The following AGMO variants were observed in gnomAD, a reference collection of about 807,000 sequenced individuals.
AGMO encodes glyceryl-ether monooxygenase.
In AGMO, 75 loss-of-function variants were observed where a neutral mutation model predicts 60.2. The observed-to-expected ratio is 1.25, with a 90% confidence interval of 1.03 to 1.51. The LOEUF (loss-of-function observed/expected upper bound fraction) is 1.51. Ranked by LOEUF, AGMO falls within the 40% of genes most tolerant of loss-of-function variation. The pLI, the probability that AGMO is intolerant of heterozygous loss-of-function variation, is 0.00. For missense variants in AGMO, 763 were observed against 525.5 expected (o/e 1.45, Z -4.42); for synonymous variants, 261 against 177.1 (o/e 1.47, Z -3.76).
chr7:15,561,821 C>T lies in AGMO; in HGVS notation c.25G>A (p.Asp9Asn). ...CGAAATCCCTGGGAAACTGAAACAT[C>T]CTGCTGGGCTTCTGGGTTCTTCATT... is the stretch of plus-strand genomic sequence containing the variant. The part of the protein sequence containing the change: MKNPEAQQ[D>N]VSVSQGFRML... The change falls in exon 1 of 13, where the codon GAT becomes AAT. Residue 9 changes from aspartate (D) to asparagine (N), a missense_variant. Physicochemically the swap from Asp to Asn is conservative, Grantham distance 23. Coordinates refer to ENST00000342526, the MANE Select transcript of AGMO (RefSeq NM_001004320.2). The T allele has an allele frequency of 6.2e-7, 1 of 1,608,622 alleles. No homozygotes were observed. Among genetic ancestry groups the T allele is most frequent in the Non-Finnish European group, 8.5e-7 (1 of 1,176,846 alleles).
chr7:15,189,109 A>G, the AGMO span, among the ~76,000 whole-genome samples: 2 of 152,156 alleles, frequency 1.3e-5, no homozygotes, highest in Non-Finnish European at 2.9e-5. Context: ...AAGAGCATTT[A>G]TGTGGTATTA....
At chr7:15,227,133 A>C (rs568774914) in intron 12 of AGMO, among the ~76,000 whole-genome samples, 2 of 152,156 alleles carry the variant, frequency 1.3e-5, no homozygotes, top group African/African-American at 4.8e-5. Context: ...ACATAAAGCC[A>C]CCTTTAACTT....
intron 3 of AGMO, among the ~76,000 whole-genome samples, chr7:15,464,828 T>C (rs1782236166): frequency 6.6e-6 from 1 of 152,134 alleles, no homozygotes; most frequent in African/African-American, 2.4e-5. Flanking sequence ...AAAAAGCAAT[T>C]ATGGAACTTC....
chr7:15,191,964 GTCTC>G, the AGMO span, among the ~76,000 whole-genome samples: 375 of 95,242 alleles, frequency 3.9e-3, 1 homozygote, highest in Admixed American at 0.012. Context: ...CTCTCCCTCT[GTCTC>G]TCTCTCACAC....
the AGMO span, among the ~76,000 whole-genome samples, chr7:15,153,820 A>C: frequency 1.3e-5 from 2 of 152,056 alleles, no homozygotes; most frequent in African/African-American, 2.4e-5. Flanking sequence ...TGGCTATGCA[A>C]GCTATTTTTT....
chr7:15,372,171 C>T (rs989105899), intron 10 of AGMO, among the ~76,000 whole-genome samples: 1 of 151,938 alleles, frequency 6.6e-6, no homozygotes, highest in African/African-American at 2.4e-5. Flanking sequence ...TAACATGCGG[C>T]TGGGTGTGGT....
chr7:15,122,411 T>C, the AGMO span, among the ~76,000 whole-genome samples: 3 of 152,146 alleles, frequency 2.0e-5, no homozygotes, highest in African/African-American at 7.2e-5. Flanking sequence ...TTAAATAGAA[T>C]CAATGCACCA....
intron 3 of AGMO, among the ~76,000 whole-genome samples, chr7:15,458,431 C>T (rs1207636272): frequency 6.6e-6 from 1 of 152,102 alleles, no homozygotes; most frequent in African/African-American, 2.4e-5. Context: ...GACTTGCTTT[C>T]ATAGGAAAGG....
Position 15,366,086 on chromosome 7 carries a change from G to C in AGMO, c.1157+54C>G, listed in dbSNP as rs571442961. On this transcript the variant is annotated intron_variant, in intron 11 of 12. Transcript: ENST00000342526. ...TATACTGGTATTTTACCACTCTGTG[G>C]AAAATTCTTGAATTGAGTAAAAGTA... 30 of 1,376,942 alleles carry C rather than the reference G, an allele frequency of 2.2e-5. No individual in the cohort carries two copies. The African/African-American group carries it at 3.6e-4, about 17-fold the overall frequency. 85.3% of individuals were successfully genotyped at this position (1,376,942 alleles called of 1,614,324 possible).
At chr7:15,201,989 A>G (rs1368064769) in intron 12 of AGMO, among the ~76,000 whole-genome samples, 1 of 151,770 alleles carries the variant, frequency 6.6e-6, no homozygotes, top group Non-Finnish European at 1.5e-5. Context: ...TCTTTGCACC[A>G]TCAGATTTCC....
chr7:15,510,579 G>A (rs1321143797), intron 3 of AGMO, among the ~76,000 whole-genome samples: 2 of 149,294 alleles, frequency 1.3e-5, no homozygotes, highest in Admixed American at 6.7e-5. Flanking sequence ...TGATATATAT[G>A]ACATATATAA....
At chr7:15,270,629 TTTTTTTTTG>T (rs1783575381) in intron 12 of AGMO, among the ~76,000 whole-genome samples, 2 of 73,922 alleles carry the variant, frequency 2.7e-5, no homozygotes, top group African/African-American at 8.2e-5. Flanking sequence ...TTTTTTTTTT[TTTTTTTTTG>T]CTGTGCAGAA....
intron 12 of AGMO, among the ~76,000 whole-genome samples, chr7:15,331,413 T>A (rs1781495670): frequency 6.6e-6 from 1 of 151,964 alleles, no homozygotes; most frequent in South Asian, 2.1e-4. Context: ...AATGAAAAAA[T>A]ATATATAATG....
chr7:15,212,615 T>C (rs1017879606), intron 12 of AGMO, among the ~76,000 whole-genome samples: 1 of 152,006 alleles, frequency 6.6e-6, no homozygotes, highest in Non-Finnish European at 1.5e-5. Flanking sequence ...AGCTTACTTG[T>C]AAAATGAATC....
chr7:15,541,647 G>A (rs1161741739), intron 3 of AGMO, among the ~76,000 whole-genome samples: 1 of 152,126 alleles, frequency 6.6e-6, no homozygotes, highest in Non-Finnish European at 1.5e-5. Flanking sequence ...TCTTGGCATA[G>A]TGATAGAGAT....
intron 3 of AGMO, among the ~76,000 whole-genome samples, chr7:15,466,185 G>T (rs1240152143): frequency 1.3e-5 from 2 of 152,088 alleles, no homozygotes; most frequent in Non-Finnish European, 2.9e-5. Flanking sequence ...TATTTACTGG[G>T]TGCATATCCT....
chr7:15,302,279 T>G (rs953912616), intron 12 of AGMO, among the ~76,000 whole-genome samples: 14 of 152,174 alleles, frequency 9.2e-5, no homozygotes, highest in Admixed American at 9.2e-4. Flanking sequence ...GGAAAAAATG[T>G]GTCACATCAT....
At chr7:15,554,023 A>G (rs908629938) in intron 2 of AGMO, among the ~76,000 whole-genome samples, 15 of 152,254 alleles carry the variant, frequency 9.9e-5, no homozygotes, top group African/African-American at 3.4e-4. Context: ...TTTATTACAT[A>G]TGTGAAACAA....
At chr7:15,152,637 C>T in the AGMO span, among the ~76,000 whole-genome samples, 1 of 152,104 alleles carries the variant, frequency 6.6e-6, no homozygotes, top group Non-Finnish European at 1.5e-5. Flanking sequence ...AAATAATAGT[C>T]TCCAATTTCA....
Sources: gnomAD v4.1 joint callset for allele counts (sites outside exome capture counted in the v4.1 genomes callset) on GRCh38, gnomAD v4.1.1 for gene constraint, MANE v1.5 for transcripts, NCBI Gene and HGNC (gene_info 2026-07-23, HGNC 2026-07-21) for gene names.